IHO1: variants seen among roughly 807,000 people sequenced by gnomAD.
The protein encoded by IHO1 is interactor of HORMAD1 protein 1.
A neutral mutation model predicts 31.0 loss-of-function variants in IHO1; 13 were observed. The ratio of observed to expected loss-of-function variants is 0.42; its 90% CI spans 0.27 to 0.67. IHO1 has a LOEUF of 0.67. Ranked by LOEUF, IHO1 falls within the 30% of genes least tolerant of loss-of-function variation. The pLI is 0.24. For missense variants in IHO1, 599 were observed against 687.5 expected, an observed-to-expected ratio of 0.87 and a Z score of 1.44; for synonymous variants, 221 against 248.4, an observed-to-expected ratio of 0.89 and a Z score of 1.04.
chr3:49,202,495 T>TTGTGTGTGTGTGTGTGTG (rs113425200), intron 1 of IHO1, among the ~76,000 whole-genome samples: 1 of 129,930 alleles, frequency 7.7e-6, no homozygotes, highest in Non-Finnish European at 1.6e-5. Flanking sequence ...CCGGCTAATT[T>TTGTGTGTGTGTGTGTGTG]TGTGTGTGTG....
chr3:49,221,209 C>G (rs2046351802), intron 2 of IHO1, among the ~76,000 whole-genome samples: 1 of 152,052 alleles, frequency 6.6e-6, no homozygotes, highest in Non-Finnish European at 1.5e-5. Context: ...AATCCTTTAG[C>G]TAGACACAGA....
chr3:49,203,219 T>C (rs542447273), intron 1 of IHO1, among the ~76,000 whole-genome samples: 1 of 152,222 alleles, frequency 6.6e-6, no homozygotes, highest in Middle Eastern at 3.4e-3. Flanking sequence ...TTGTCTGTCA[T>C]GCTGATATCT....
At chr3:49,220,413 TTAG>T (rs1166086504) in intron 2 of IHO1, among the ~76,000 whole-genome samples, 3 of 152,200 alleles carry the variant, frequency 2.0e-5, no homozygotes, top group African/African-American at 7.2e-5. Flanking sequence ...GCCGCAGACC[TTAG>T]TGGTGAGTGT....
intron 1 of IHO1, among the ~76,000 whole-genome samples, chr3:49,206,487 C>A (rs985932095): frequency 6.6e-6 from 1 of 152,166 alleles, no homozygotes; most frequent in Non-Finnish European, 1.5e-5. Flanking sequence ...ACCTCGGCCT[C>A]CCAAAGTGCT....
rs576148790 is a variant in IHO1 at position 49,227,345 on chromosome 3, G to A, written c.57-9203G>A. Among the ~76,000 whole-genome samples, 157 of 152,258 alleles carry A rather than the reference G, an allele frequency of 1.0e-3. 1 individual carries two copies. The highest frequency in any genetic ancestry group is 2.0e-3 in the Non-Finnish European group (138 of 68,024). ...ATGGCTTAGGATGCATTTCAGGGCT[G>A]AGCCTGTTGATGCCTGAGTGTTTCC... On this transcript the variant is annotated intron_variant, in intron 2 of 7. Coordinates refer to ENST00000452691, the MANE Select transcript of IHO1 (RefSeq NM_001135197.2).
Position 49,257,158 on chromosome 3 carries a change from A to G in IHO1, c.1661A>G (p.Asp554Gly). The part of the protein sequence containing the change: ...NWLLSSSSQG[D>G]HQMSWFSDLN... The stretch of plus-strand genomic sequence containing the variant: ...CTACTTTCCAGCAGTTCCCAGGGGG[A>G]CCACCAGATGAGCTGGTTCAGTGAC... The change falls in exon 8 of 8, where the codon GAC (aspartate) becomes GGC (glycine). Residue 554 changes from aspartate (D) to glycine (G), a missense_variant. Coordinates refer to ENST00000452691, the MANE Select transcript of IHO1 (RefSeq NM_001135197.2). 1 of 1,614,042 alleles carries G rather than the reference A, an allele frequency of 6.2e-7. No individual in the cohort carries two copies.
intron 6 of IHO1, chr3:49,244,943 T>G: frequency 1.6e-6 from 1 of 620,098 alleles, no homozygotes; most frequent in East Asian, 2.7e-5. Context: ...GGTCCCATGA[T>G]GCCTTTTGTG....
At position 49,200,549 on chromosome 3, in the gene IHO1, ACGGTGGT is replaced by A. The variant is rs2046056929; in HGVS notation, c.-16+978_-16+984del. On this transcript the variant is annotated intron_variant, in intron 1 of 7. Transcript: ENST00000452691. Reference sequence around the variant, plus strand: ...AAAGATTGTCGCAGTAGAGTTGACGACGGTGGTCAGATGAGGTAGTCCATGCCAATCG... The same window carrying A: ...AAAGATTGTCGCAGTAGAGTTGACGACAGATGAGGTAGTCCATGCCAATCG... 2.0e-6 allele frequency: 2 copies of A among 978,066 alleles called. 1 individual carries two copies. Among genetic ancestry groups the A allele is most frequent in the Admixed American group, 1.3e-4 (2 of 15,976 alleles). 60.6% of individuals were successfully genotyped at this position (978,066 alleles called of 1,614,324 possible).
intron 7 of IHO1, among the ~76,000 whole-genome samples, chr3:49,255,708 G>A (rs905290978): frequency 2.0e-5 from 3 of 151,756 alleles, no homozygotes; most frequent in Admixed American, 6.6e-5. Context: ...GCACCACCAC[G>A]CCCAGCTAAT....
intron 2 of IHO1, among the ~76,000 whole-genome samples, chr3:49,234,327 G>A (rs565338447): frequency 1.4e-4 from 21 of 151,436 alleles, no homozygotes; most frequent in Admixed American, 1.2e-3. Flanking sequence ...GGCACACACC[G>A]CCATGCCCAG....
intron 1 of IHO1, among the ~76,000 whole-genome samples, chr3:49,201,329 T>G (rs2107676870): frequency 6.6e-6 from 1 of 151,516 alleles, no homozygotes; most frequent in East Asian, 2.0e-4. Flanking sequence ...CCGAGTTGGC[T>G]GTGCGCGGTG....
At chr3:49,219,054 ATCCC>A (rs2046320873) in intron 2 of IHO1, among the ~76,000 whole-genome samples, 1 of 152,138 alleles carries the variant, frequency 6.6e-6, no homozygotes, top group African/African-American at 2.4e-5. Flanking sequence ...CATGCTTGTA[ATCCC>A]AGCACTTTGG....
At chr3:49,206,382 C>T (rs974176373) in intron 1 of IHO1, among the ~76,000 whole-genome samples, 3 of 151,534 alleles carry the variant, frequency 2.0e-5, no homozygotes, top group Non-Finnish European at 2.9e-5. Context: ...AGGCGTGAGC[C>T]ACCGCTCCCG....
At chr3:49,254,154 C>T (rs921599216) in intron 6 of IHO1, among the ~76,000 whole-genome samples, 1 of 152,120 alleles carries the variant, frequency 6.6e-6, no homozygotes, top group African/African-American at 2.4e-5. Context: ...GTCTTGATAA[C>T]TGCTATATCC....
Position 49,256,812 on chromosome 3 carries a change from A to C in IHO1, c.1315A>C (p.Lys439Gln). Residue 439 changes from lysine to glutamine, a missense_variant, in exon 8 of 8, where the codon AAA becomes CAA. Coordinates refer to ENST00000452691, the MANE Select transcript of IHO1 (RefSeq NM_001135197.2). This position sits in a 1 kb window ranked among gnomAD's most constrained non-coding sequence, Gnocchi z 4.6. ...QKDGTVEMRG[K>Q]DKKQQPRKAH... ...AGATGGGACTGTAGAAATGCGGGGGAAAGACAAGAAGCAGCAGCCCAGGAA... is the reference window on the plus strand; with the variant it reads ...AGATGGGACTGTAGAAATGCGGGGGCAAGACAAGAAGCAGCAGCCCAGGAA... The C allele has an allele frequency of 6.2e-7, 1 of 1,614,212 alleles. No homozygotes were observed. Among genetic ancestry groups the C allele is most frequent in the Non-Finnish European group, 8.5e-7 (1 of 1,180,034 alleles).
At position 49,257,597 on chromosome 3, in the gene IHO1, C is replaced by G. The variant is rs1029529025; in HGVS notation, c.*315C>G. ...CTTTGGCGAAAGGCAGGCAGGCCTC[C>G]TTATGGAATACTGTGTAGCAGAAGG... is the stretch of plus-strand genomic sequence containing the variant. On this transcript the variant is annotated 3_prime_UTR_variant, in exon 8 of 8. Transcript: ENST00000452691. 9.9e-6 allele frequency: 3 copies of G among 304,476 alleles called. No homozygotes were observed. The highest frequency in any genetic ancestry group is 1.9e-5 in the Non-Finnish European group (3 of 161,210). The allele number at this position is 304,476 out of a possible 1,614,324, so 18.9% of individuals were successfully genotyped here.
intron 6 of IHO1, among the ~76,000 whole-genome samples, chr3:49,254,308 G>A (rs918056942): frequency 1.3e-5 from 2 of 152,156 alleles, no homozygotes; most frequent in Non-Finnish European, 2.9e-5. Flanking sequence ...GTGTGTGTGT[G>A]CATGCAGAAT....
At chr3:49,214,010 G>T in intron 2 of IHO1, 1 of 377,790 alleles carries the variant, frequency 2.6e-6, no homozygotes, top group Non-Finnish European at 5.6e-6. Context: ...ACCTCATACA[G>T]ACTCTTCTTC....
intron 2 of IHO1, among the ~76,000 whole-genome samples, chr3:49,235,235 T>TC (rs1462960151): frequency 6.6e-6 from 1 of 150,666 alleles, no homozygotes; most frequent in East Asian, 1.9e-4. Flanking sequence ...ATAAATCTTT[T>TC]TTTTTTTTTT....
Sources: gnomAD v4.1 joint callset for allele counts (sites outside exome capture counted in the v4.1 genomes callset) on GRCh38, gnomAD v4.1.1 for gene constraint, Gnocchi (gnomAD v3.1) non-coding constraint, MANE v1.5 for transcripts, NCBI Gene and HGNC (gene_info 2026-07-23, HGNC 2026-07-21) for gene names.